Variants in CBLB observed in about 807,000 individuals in gnomAD.
The protein encoded by CBLB is Cbl proto-oncogene B.
Under a neutral mutation model 104.9 loss-of-function variants are expected in CBLB, and 31 were observed. The ratio of observed to expected loss-of-function variants is 0.30; its 90% CI spans 0.22 to 0.40. CBLB has a LOEUF of 0.40. Ranked by LOEUF, CBLB falls within the 10% of genes least tolerant of loss-of-function variation. The pLI, the probability that CBLB is intolerant of heterozygous loss-of-function variation, is 1.00. For missense variants in CBLB, 1,062 were observed against 1,214.6 expected (o/e 0.87, Z 1.87); for synonymous variants, 440 against 422.6 (o/e 1.04, Z -0.51).
rs1395578159 is a variant in CBLB at position 105,702,231 on chromosome 3, G to A, written c.1822C>T (p.Arg608Ter). ...TTTGGAGAGCCCTCCCCTAGGAGTC[G>A]ACATCCCACAAGCTGATTAGTCCCA... ...VFGTNQLVGCRLLGEGSPKPG... is the reference protein window; with the variant it reads ...VFGTNQLVGC Residue 608 changes from arginine to a stop codon, truncating the protein, a stop_gained, in exon 12 of 19, where the codon CGA becomes TGA. Coordinates refer to ENST00000394030, the MANE Select transcript of CBLB (RefSeq NM_170662.5). LOFTEE classifies it high-confidence loss of function. 6.2e-7 allele frequency: 1 copy of A among 1,613,806 alleles called. No individual in the cohort carries two copies. The highest frequency in any genetic ancestry group is 8.5e-7 in the Non-Finnish European group (1 of 1,179,962).
intron 10 of CBLB, among the ~76,000 whole-genome samples, chr3:105,705,375 A>G (rs191192022): frequency 6.6e-6 from 1 of 152,196 alleles, no homozygotes; most frequent in East Asian, 1.9e-4. Context: ...TTTATACCCA[A>G]TGTCCTTTTT....
chr3:105,832,570 G>C (rs2087731807), intron 3 of CBLB, among the ~76,000 whole-genome samples: 1 of 152,118 alleles, frequency 6.6e-6, no homozygotes, highest in Non-Finnish European at 1.5e-5. Context: ...AACCATACCA[G>C]ATTGACAGGT....
At chr3:105,684,842 C>T (rs115808161) in intron 14 of CBLB, among the ~76,000 whole-genome samples, 12,251 of 152,224 alleles carry the variant, frequency 0.08, 672 homozygotes, top group Middle Eastern at 0.15. Context: ...TGAGCCACCA[C>T]GCCTGGCCTA....
Position 105,740,493 on chromosome 3 carries a change from C to G in CBLB, c.983+1G>C. The G allele has an allele frequency of 1.2e-6, 2 of 1,614,034 alleles. No individual in the cohort carries two copies. Among genetic ancestry groups the G allele is most frequent in the Non-Finnish European group, 1.7e-6 (2 of 1,179,942 alleles). ...CTCCAACTTCCATTTCTCATACTTA[C>G]AATCCTTCCCTGCTGCCATCAATCA... On this transcript the variant is annotated splice_donor_variant, in intron 7 of 18. Coordinates refer to ENST00000394030, the MANE Select transcript of CBLB (RefSeq NM_170662.5). LOFTEE classifies it high-confidence loss of function.
intron 10 of CBLB, among the ~76,000 whole-genome samples, chr3:105,718,061 C>A (rs1364568966): frequency 6.6e-6 from 1 of 152,078 alleles, no homozygotes; most frequent in Non-Finnish European, 1.5e-5. Flanking sequence ...GTGCTTTATT[C>A]CACGTCTTCC....
At chr3:105,696,989 T>C (rs1014803886) in intron 12 of CBLB, among the ~76,000 whole-genome samples, 1 of 151,974 alleles carries the variant, frequency 6.6e-6, no homozygotes, top group Non-Finnish European at 1.5e-5. Flanking sequence ...TGAAGCTTTC[T>C]TTATTCCTTT....
At chr3:105,820,990 C>T (rs2085761887) in intron 3 of CBLB, among the ~76,000 whole-genome samples, 2 of 151,994 alleles carry the variant, frequency 1.3e-5, no homozygotes, top group South Asian at 4.1e-4. Context: ...TTACCTATAT[C>T]ATTGAAGGTA....
At chr3:105,691,702 C>A (rs1413563833) in intron 13 of CBLB, among the ~76,000 whole-genome samples, 3 of 152,154 alleles carry the variant, frequency 2.0e-5, no homozygotes, top group African/African-American at 7.2e-5. Context: ...GAGCCTACTA[C>A]CCAGAGTATG....
At position 105,704,109 on chromosome 3, in the gene CBLB, T is replaced by G. The variant is rs771523464; in HGVS notation, c.1472A>C (p.Lys491Thr). The change falls in exon 11 of 19, where the codon AAG (lysine) becomes ACG (threonine). Residue 491 changes from lysine to threonine, a missense_variant. Transcript: ENST00000394030. ...GATCTGGAGTGGGTCAGGCTGTGGC[T>G]TTCTTCTCTGGGCAAGGGGAGAGGA... ...PGSSPLAQRR[K>T]PQPDPLQIPH... 1.2e-6 allele frequency: 2 copies of G among 1,614,128 alleles called. No homozygotes were observed. Among genetic ancestry groups the G allele is most frequent in the South Asian group, 2.2e-5 (2 of 91,082 alleles).
At chr3:105,731,539 A>G (rs558286369) in intron 9 of CBLB, among the ~76,000 whole-genome samples, 3 of 152,238 alleles carry the variant, frequency 2.0e-5, no homozygotes, top group Non-Finnish European at 2.9e-5. Context: ...TATAGAAAGT[A>G]AAATAAATAT....
At chr3:105,689,935 T>C (rs2067466928) in intron 13 of CBLB, among the ~76,000 whole-genome samples, 2 of 152,122 alleles carry the variant, frequency 1.3e-5, no homozygotes, top group Non-Finnish European at 2.9e-5. Flanking sequence ...CAACAGTATG[T>C]TTTTTAAAAG....
intron 9 of CBLB, among the ~76,000 whole-genome samples, chr3:105,723,256 T>C (rs2073141552): frequency 6.6e-6 from 1 of 152,156 alleles, no homozygotes; most frequent in African/African-American, 2.4e-5. Flanking sequence ...AATGTTTCTG[T>C]CAATGTATAC....
intron 9 of CBLB, among the ~76,000 whole-genome samples, chr3:105,731,549 T>C (rs2074316192): frequency 6.6e-6 from 1 of 152,176 alleles, no homozygotes; most frequent in Non-Finnish European, 1.5e-5. Flanking sequence ...AAAATAAATA[T>C]TTGTTGCTTT....
At chr3:105,762,517 G>C (rs2077745095) in intron 4 of CBLB, 1 of 152,338 alleles carries the variant, frequency 6.6e-6, no homozygotes, top group Non-Finnish European at 1.5e-5. Context: ...TTGAACTCAA[G>C]CTTTTATTTC....
intron 3 of CBLB, among the ~76,000 whole-genome samples, chr3:105,850,011 T>C (rs2090748619): frequency 6.6e-6 from 1 of 152,104 alleles, no homozygotes; most frequent in Non-Finnish European, 1.5e-5. Context: ...TGTCACACTG[T>C]GGCAACTCAA....
At chr3:105,853,780 AACTT>A (rs1475167495) in intron 2 of CBLB, 116 bp from the exon 3 acceptor site, 8 of 714,598 alleles carry the variant, frequency 1.1e-5, no homozygotes, top group Non-Finnish European at 1.8e-5. Flanking sequence ...TAATGATCTT[AACTT>A]ACTATCTCCA....
At chr3:105,816,031 C>T (rs2085000667) in intron 3 of CBLB, among the ~76,000 whole-genome samples, 1 of 151,944 alleles carries the variant, frequency 6.6e-6, no homozygotes. Context: ...GGGAGGGGAA[C>T]ATCACACACT....
At chr3:105,761,289 C>G (rs1038299123) in intron 4 of CBLB, among the ~76,000 whole-genome samples, 2 of 152,170 alleles carry the variant, frequency 1.3e-5, no homozygotes, top group African/African-American at 4.8e-5. Context: ...GCCTTGGCCT[C>G]CCAAAATACT....
Position 105,681,547 on chromosome 3 carries a change from T to C in CBLB, c.2360A>G (p.Asp787Gly). The C allele has an allele frequency of 3.1e-6, 5 of 1,614,060 alleles. No homozygotes were observed. The highest frequency in any genetic ancestry group is 2.2e-5 in the South Asian group (2 of 91,082). The change falls in exon 16 of 19, where the codon GAC becomes GGC. Residue 787 changes from aspartate to glycine, a missense_variant. This residue lies in a region of CBLB where 605 missense variants were observed against 582.6 expected (regional missense o/e 1.04). Transcript: ENST00000394030. The part of the protein sequence containing the change: ...PLPPARPPTR[D>G]NPKHGSSLNR... Reference sequence around the variant, plus strand: ...GAGTGAAGAACCATGCTTTGGATTGTCCCGAGTTGGAGGCCTGGCAGGTGG... The same window carrying C: ...GAGTGAAGAACCATGCTTTGGATTGCCCCGAGTTGGAGGCCTGGCAGGTGG...
Sources: gnomAD v4.1 joint callset for allele counts (sites outside exome capture counted in the v4.1 genomes callset) on GRCh38, gnomAD v4.1.1 for gene constraint, gnomAD v4.1.1 regional missense constraint, MANE v1.5 for transcripts, NCBI Gene and HGNC (gene_info 2026-07-23, HGNC 2026-07-21) for gene names.